Variants in PTPRN2 observed in about 807,000 individuals in gnomAD.
The protein encoded by PTPRN2 is protein tyrosine phosphatase receptor type N2, also known as receptor-type tyrosine-protein phosphatase N2.
Under a neutral mutation model 118.8 loss-of-function variants are expected in PTPRN2, and 74 were observed. The observed-to-expected ratio is 0.62, with a 90% CI of 0.52 to 0.76. The LOEUF (loss-of-function observed/expected upper bound fraction) is 0.76, where lower values mean the gene tolerates loss of function less well. Among genes scored for constraint, PTPRN2 ranks in the 30% least tolerant of loss-of-function variants. The probability of loss-of-function intolerance (pLI) is 0.00; values close to 1 mark genes in which losing one functional copy is unlikely to be tolerated. For synonymous variants in PTPRN2, 641 were observed against 608.0 expected, an observed-to-expected ratio of 1.05 and a Z score of -0.80; for missense variants, 1,481 against 1,394.4, an observed-to-expected ratio of 1.06 and a Z score of -0.99.
At chr7:158,288,509 T>C (rs1485288654) in intron 3 of PTPRN2, among the ~76,000 whole-genome samples, 1 of 152,200 alleles carries the variant, frequency 6.6e-6, no homozygotes, top group African/African-American at 2.4e-5. Context: ...ATCTTACAGT[T>C]ATAGCAAGCT....
At chr7:157,973,191 C>A (rs1202273144) in intron 11 of PTPRN2, among the ~76,000 whole-genome samples, 2 of 152,184 alleles carry the variant, frequency 1.3e-5, no homozygotes, top group East Asian at 3.9e-4. Flanking sequence ...GGAGGTTGTG[C>A]AGGGGCCTTC....
chr7:157,710,137 AC>A lies in PTPRN2; in HGVS notation c.1789-27201del, dbSNP rs1389678867. Among the ~76,000 whole-genome samples the A allele has an allele frequency of 5.3e-5, 8 of 152,226 alleles. No homozygotes were observed. In the East Asian group the frequency reaches 1.5e-3, roughly 29 times the overall value. On this transcript the variant is annotated intron_variant, in intron 12 of 22. Transcript: ENST00000389418. Reference sequence around the variant, plus strand: ...TTCAGGAAGCATCCACACAAGGGGAACCCACAGGGCACTTGGGTTATACGAA... The same window carrying A: ...TTCAGGAAGCATCCACACAAGGGGAACCACAGGGCACTTGGGTTATACGAA...
chr7:158,432,728 G>A (rs1176075732), intron 2 of PTPRN2, among the ~76,000 whole-genome samples: 3 of 152,150 alleles, frequency 2.0e-5, no homozygotes, highest in Non-Finnish European at 4.4e-5. Context: ...AGCCTGGCCC[G>A]GGATTTCCAG....
chr7:158,331,768 C>A (rs1342359523), intron 2 of PTPRN2, among the ~76,000 whole-genome samples: 8 of 151,108 alleles, frequency 5.3e-5, no homozygotes, highest in African/African-American at 1.7e-4. Context: ...CACACTCTCA[C>A]CATAAGAGCT....
intron 11 of PTPRN2, among the ~76,000 whole-genome samples, chr7:157,950,501 C>A (rs1241216324): frequency 6.6e-6 from 1 of 152,134 alleles, no homozygotes; most frequent in East Asian, 1.9e-4. Flanking sequence ...ATGCTCACTG[C>A]TGGTCTTGTC....
intron 4 of PTPRN2, among the ~76,000 whole-genome samples, chr7:158,194,739 C>G (rs893781780): frequency 3.3e-5 from 5 of 152,358 alleles, no homozygotes; most frequent in Non-Finnish European, 5.9e-5. Context: ...CCACCTTCAC[C>G]TTCTCAACAT....
chr7:157,891,169 C>T (rs1430833214), intron 12 of PTPRN2, among the ~76,000 whole-genome samples: 1 of 152,190 alleles, frequency 6.6e-6, no homozygotes, highest in African/African-American at 2.4e-5. Flanking sequence ...CATGTCGAGC[C>T]ATCACAGCTG....
intron 11 of PTPRN2, among the ~76,000 whole-genome samples, chr7:157,958,571 TA>T (rs1291326093): frequency 6.6e-6 from 1 of 152,134 alleles, no homozygotes; most frequent in Non-Finnish European, 1.5e-5. Flanking sequence ...AGTTGCAGGG[TA>T]TAAAATCAAT....
chr7:158,391,737 T>C (rs1340098287), intron 2 of PTPRN2, among the ~76,000 whole-genome samples: 3 of 152,090 alleles, frequency 2.0e-5, no homozygotes, highest in Non-Finnish European at 4.4e-5. Flanking sequence ...CCTGCAGCCC[T>C]GGGGATGGGA....
intron 11 of PTPRN2, among the ~76,000 whole-genome samples, chr7:157,923,814 G>A (rs11982956): frequency 0.03 from 4,540 of 152,134 alleles, 186 homozygotes; most frequent in African/African-American, 0.095. Flanking sequence ...GATGTTAGCG[G>A]TCACACCCGA....
chr7:157,710,629 C>T (rs907001772), intron 12 of PTPRN2, among the ~76,000 whole-genome samples: 4 of 152,152 alleles, frequency 2.6e-5, no homozygotes, highest in African/African-American at 9.7e-5. Context: ...CAGATGTCCC[C>T]TGGGGGGACA....
chr7:158,218,118 C>T (rs993868637), intron 3 of PTPRN2, among the ~76,000 whole-genome samples: 2 of 152,100 alleles, frequency 1.3e-5, no homozygotes, highest in Non-Finnish European at 2.9e-5. Context: ...TATAAGATGA[C>T]CATCCCCAAG....
intron 11 of PTPRN2, among the ~76,000 whole-genome samples, chr7:158,025,369 T>C (rs1241855950): frequency 6.6e-6 from 1 of 152,236 alleles, no homozygotes; most frequent in Non-Finnish European, 1.5e-5. Context: ...TGGGTGTTTG[T>C]TCTCGGCCAT....
chr7:158,241,296 C>T (rs1440100990), intron 3 of PTPRN2, among the ~76,000 whole-genome samples: 1 of 152,112 alleles, frequency 6.6e-6, no homozygotes. Context: ...GGGAGGATCA[C>T]CTGAGGTTAG....
At position 158,142,302 on chromosome 7, in the gene PTPRN2, C is replaced by T. The variant is rs1172318258; in HGVS notation, c.911-3787G>A. ...ACACGGGCAGCCCCTGGCCCCGGAG[C>T]GGCTGGAACTATTCAAGCTGGGCAG... On this transcript the variant is annotated intron_variant, in intron 6 of 22. Coordinates refer to ENST00000389418, the MANE Select transcript of PTPRN2 (RefSeq NM_002847.5). Among the ~76,000 whole-genome samples, 8 of 152,210 alleles carry T rather than the reference C, an allele frequency of 5.3e-5. No individual in the cohort carries two copies. In the East Asian group the frequency reaches 7.7e-4, roughly 15 times the overall value.
chr7:158,405,030 TCCCCGGC>T (rs1813295824), intron 2 of PTPRN2, among the ~76,000 whole-genome samples: 1 of 90,904 alleles, frequency 1.1e-5, no homozygotes, highest in Non-Finnish European at 2.2e-5. Context: ...CGGCCCCAGC[TCCCCGGC>T]CCCCAGCTCC....
At chr7:157,642,443 T>A (rs1049539136) in intron 14 of PTPRN2, among the ~76,000 whole-genome samples, 12 of 152,244 alleles carry the variant, frequency 7.9e-5, no homozygotes, top group African/African-American at 2.7e-4. Context: ...ATTCCTCTGA[T>A]GCTGTCTATA....
chr7:157,790,156 A>G (rs1406659952), intron 12 of PTPRN2, among the ~76,000 whole-genome samples: 16 of 47,106 alleles, frequency 3.4e-4, no homozygotes, highest in South Asian at 8.0e-4. Flanking sequence ...GTGTGGTGTG[A>G]ATGTGGTGTG....
At chr7:158,207,735 C>T (rs1349711928) in intron 3 of PTPRN2, among the ~76,000 whole-genome samples, 1 of 152,184 alleles carries the variant, frequency 6.6e-6, no homozygotes, top group Non-Finnish European at 1.5e-5. Flanking sequence ...CACCAACAAA[C>T]ATCCAAGAGC....
Sources: gnomAD v4.1 joint callset for allele counts (sites outside exome capture counted in the v4.1 genomes callset) on GRCh38, gnomAD v4.1.1 for gene constraint, MANE v1.5 for transcripts, NCBI Gene and HGNC (gene_info 2026-07-23, HGNC 2026-07-21) for gene names.